HS3ST5: variants seen among roughly 807,000 people sequenced by gnomAD.
The protein encoded by HS3ST5 is heparan sulfate glucosamine 3-O-sulfotransferase 5.
A neutral mutation model predicts 25.4 loss-of-function variants in HS3ST5; 10 were observed. The ratio of observed to expected loss-of-function variants is 0.39; its 90% confidence interval spans 0.24 to 0.67. The LOEUF is 0.67. Ranked by LOEUF, HS3ST5 falls within the 30% of genes least tolerant of loss-of-function variation. HS3ST5 has a pLI of 0.44. For synonymous variants in HS3ST5, 170 were observed against 162.4 expected (o/e 1.05, Z -0.36); for missense variants, 324 against 420.7 (o/e 0.77, Z 2.01).
intron 1 of HS3ST5, among the ~76,000 whole-genome samples, chr6:114,332,300 A>G (rs1308722782): frequency 6.6e-6 from 1 of 152,128 alleles, no homozygotes; most frequent in Non-Finnish European, 1.5e-5. Context: ...ATTTTCTTAT[A>G]TCGTGCCCTC....
At chr6:114,108,316 G>A (rs558358788) in intron 3 of HS3ST5, among the ~76,000 whole-genome samples, 15 of 152,164 alleles carry the variant, frequency 9.9e-5, no homozygotes, top group Non-Finnish European at 2.2e-4. Context: ...GCCTCAATAA[G>A]GTTGAAATAC....
intron 3 of HS3ST5, among the ~76,000 whole-genome samples, chr6:114,076,322 A>G (rs1311514967): frequency 1.3e-5 from 2 of 152,214 alleles, no homozygotes; most frequent in African/African-American, 4.8e-5. Flanking sequence ...CTGGGCCCCA[A>G]ATTCTCTTAT....
intron 3 of HS3ST5, among the ~76,000 whole-genome samples, chr6:114,070,910 C>T (rs1773782838): frequency 6.6e-6 from 1 of 152,166 alleles, no homozygotes; most frequent in Non-Finnish European, 1.5e-5. Flanking sequence ...GGTGGTATCC[C>T]CACTATTAGT....
At chr6:114,226,924 T>G (rs1582736657) in intron 2 of HS3ST5, among the ~76,000 whole-genome samples, 1 of 152,022 alleles carries the variant, frequency 6.6e-6, no homozygotes, top group East Asian at 1.9e-4. Flanking sequence ...TGAGTAAAGG[T>G]ATGCTTCTCT....
intron 2 of HS3ST5, among the ~76,000 whole-genome samples, chr6:114,182,750 C>T (rs7769345): frequency 0.22 from 32,756 of 151,944 alleles, 3,645 homozygotes; most frequent in Middle Eastern, 0.27. Flanking sequence ...CCAGTTATAC[C>T]AGCCTGTGAT....
intron 1 of HS3ST5, among the ~76,000 whole-genome samples, chr6:114,229,642 C>A (rs189614453): frequency 6.6e-6 from 1 of 152,320 alleles, no homozygotes; most frequent in Admixed American, 6.5e-5. Flanking sequence ...TAAGAGTGGT[C>A]ATGTGACCCC....
intron 3 of HS3ST5, among the ~76,000 whole-genome samples, chr6:114,112,918 A>T (rs1317551181): frequency 6.6e-6 from 1 of 152,192 alleles, no homozygotes; most frequent in Non-Finnish European, 1.5e-5. Context: ...ATAGTAGTAG[A>T]TGAACTGTCC....
rs182800906 is a variant in HS3ST5 at position 114,262,363 on chromosome 6, T to C, written c.-338-33585A>G. ...GAGATCAAGACCATCCTGGCTAACA[T>C]GGTGAAATCCCATCTCTACTAAAAA... On this transcript the variant is annotated intron_variant, in intron 1 of 4. Coordinates refer to ENST00000312719, the MANE Select transcript of HS3ST5 (RefSeq NM_153612.4). Among the ~76,000 whole-genome samples the C allele has an allele frequency of 5.3e-3, 808 of 152,214 alleles. 5 individuals carry two copies. Among genetic ancestry groups the C allele is most frequent in the Middle Eastern group, 0.017 (5 of 294 alleles).
At chr6:114,328,205 G>T (rs1372538318) in intron 1 of HS3ST5, among the ~76,000 whole-genome samples, 1 of 150,400 alleles carries the variant, frequency 6.6e-6, no homozygotes, top group Non-Finnish European at 1.5e-5. Flanking sequence ...AGGTAAAGAA[G>T]AAGTGAAAAA....
chr6:114,185,020 T>C (rs954552341), intron 2 of HS3ST5, among the ~76,000 whole-genome samples: 1 of 152,162 alleles, frequency 6.6e-6, no homozygotes, highest in African/African-American at 2.4e-5. Flanking sequence ...TCAAGATGAA[T>C]CATTCCTTGA....
intron 3 of HS3ST5, among the ~76,000 whole-genome samples, chr6:114,064,386 A>G (rs1018117587): frequency 6.6e-6 from 1 of 152,248 alleles, no homozygotes; most frequent in Non-Finnish European, 1.5e-5. Context: ...GAATCATGAA[A>G]TAACCAGAGA....
At chr6:114,222,119 T>C (rs546229943) in intron 2 of HS3ST5, among the ~76,000 whole-genome samples, 1 of 152,040 alleles carries the variant, frequency 6.6e-6, no homozygotes, top group Non-Finnish European at 1.5e-5. Flanking sequence ...TTGAAAAACA[T>C]CAGCCAGAAG....
intron 2 of HS3ST5, among the ~76,000 whole-genome samples, chr6:114,201,855 T>C (rs1335085375): frequency 6.6e-6 from 1 of 152,138 alleles, no homozygotes; most frequent in African/African-American, 2.4e-5. Context: ...CTTCTTTACA[T>C]GGTGGCAGCA....
chr6:114,285,207 G>A (rs952555340), intron 1 of HS3ST5, among the ~76,000 whole-genome samples: 1 of 151,990 alleles, frequency 6.6e-6, no homozygotes, highest in African/African-American at 2.4e-5. Context: ...TGTGGTATAT[G>A]CATGTTTTCA....
At chr6:114,183,938 G>T (rs958543085) in intron 2 of HS3ST5, among the ~76,000 whole-genome samples, 6 of 151,814 alleles carry the variant, frequency 4.0e-5, no homozygotes, top group African/African-American at 1.2e-4. Context: ...AAGCAGCAAA[G>T]AACTTGCCTA....
intron 3 of HS3ST5, among the ~76,000 whole-genome samples, chr6:114,123,463 T>C (rs951876609): frequency 1.1e-4 from 17 of 152,216 alleles, no homozygotes; most frequent in African/African-American, 3.9e-4. Flanking sequence ...AAGAGGATAA[T>C]TCTTTAAAAA....
At chr6:114,067,297 A>T (rs1025716786) in intron 3 of HS3ST5, among the ~76,000 whole-genome samples, 1 of 152,032 alleles carries the variant, frequency 6.6e-6, no homozygotes, top group African/African-American at 2.4e-5. Context: ...TGGGAATAAA[A>T]CTTGCAAGGC....
intron 2 of HS3ST5, among the ~76,000 whole-genome samples, chr6:114,195,952 T>G (rs1780726728): frequency 6.6e-6 from 1 of 152,100 alleles, no homozygotes; most frequent in Admixed American, 6.6e-5. Flanking sequence ...TAACTCAAGC[T>G]AAGGGCCTGT....
rs374024813 is a variant in HS3ST5 at position 114,325,239 on chromosome 6, T to C, written c.-339+16956A>G. 2.0e-5 allele frequency among the ~76,000 whole-genome samples: 3 copies of C among 152,266 alleles called. No homozygotes were observed. The East Asian group carries it at 5.8e-4, about 29-fold the overall frequency. ...CAAGACTCCATCAACTTGTTGGGGT[T>C]AGTTACTCAGTCACAATTGATGAAG... On this transcript the variant is annotated intron_variant, in intron 1 of 4. Transcript: ENST00000312719.
Sources: allele counts gnomAD v4.1 joint callset (sites outside exome capture counted in the v4.1 genomes callset), GRCh38; gene constraint gnomAD v4.1.1; transcripts MANE v1.5; gene names NCBI Gene and HGNC (gene_info 2026-07-23, HGNC 2026-07-21).